The following KDM2A variants were observed in gnomAD, a reference collection of about 807,000 sequenced individuals.
KDM2A encodes the protein lysine-specific demethylase 2A.
A neutral mutation model predicts 137.3 loss-of-function variants in KDM2A; 3 were observed. That is an observed-to-expected ratio of 0.02 (90% CI 0.01 to 0.06). The LOEUF (loss-of-function observed/expected upper bound fraction) is 0.06, where lower values mean the gene tolerates loss of function less well. KDM2A is among the 10% of genes least tolerant of loss of function. The pLI, the probability that KDM2A is intolerant of heterozygous loss-of-function variation, is 1.00. For synonymous variants in KDM2A, 512 were observed against 541.5 expected, an observed-to-expected ratio of 0.95 and a Z score of 0.76; for missense variants, 738 against 1,510.6, an observed-to-expected ratio of 0.49 and a Z score of 8.48.
At chr11:67,247,070 T>TATATATA (rs1565424262) in intron 15 of KDM2A, among the ~76,000 whole-genome samples, 2 of 22,022 alleles carry the variant, frequency 9.1e-5, no homozygotes, top group East Asian at 1.0e-3. Flanking sequence ...TATATATATA[T>TATATATA]ATTTTTTTTT....
At chr11:67,193,455 T>G (rs1024781897) in intron 5 of KDM2A, among the ~76,000 whole-genome samples, 4 of 152,240 alleles carry the variant, frequency 2.6e-5, no homozygotes, top group Non-Finnish European at 5.9e-5. Context: ...TGTTATCACT[T>G]TCTCATAGTG....
At chr11:67,220,553 A>G (rs1246642252) in intron 10 of KDM2A, among the ~76,000 whole-genome samples, 11 of 152,222 alleles carry the variant, frequency 7.2e-5, no homozygotes, top group Admixed American at 7.2e-4. Context: ...AGCCCAAAAT[A>G]AAATAATTTG....
chr11:67,124,510 C>T (rs1326050650), intron 2 of KDM2A, among the ~76,000 whole-genome samples: 2 of 149,912 alleles, frequency 1.3e-5, no homozygotes, highest in Admixed American at 6.7e-5. Flanking sequence ...GACGGGGTTT[C>T]GCTATATTGG....
intron 2 of KDM2A, among the ~76,000 whole-genome samples, chr11:67,124,563 C>G (rs1014425039): frequency 1.3e-5 from 2 of 150,002 alleles, no homozygotes; most frequent in Non-Finnish European, 3.0e-5. Context: ...TCACCCACCT[C>G]GGCCTCCCAA....
At chr11:67,189,342 A>C (rs1857287663) in intron 5 of KDM2A, among the ~76,000 whole-genome samples, 1 of 152,242 alleles carries the variant, frequency 6.6e-6, no homozygotes, top group Non-Finnish European at 1.5e-5. Flanking sequence ...TTATAGATGA[A>C]TGAACACAAC....
chr11:67,143,418 G>A (rs899112150), intron 2 of KDM2A: 1 of 152,016 alleles, frequency 6.6e-6, no homozygotes, highest in Admixed American at 6.6e-5. Flanking sequence ...TTGGGAAGAA[G>A]CACATGCAGA....
Position 67,254,806 on chromosome 11 carries a change from C to T in KDM2A, c.3308-68C>T, listed in dbSNP as rs1042725383. On this transcript the variant is annotated intron_variant, in intron 20 of 20. Transcript: ENST00000529006. The surrounding 1 kb of genome is among the most constrained non-coding windows in gnomAD (Gnocchi z 4.7). ...TAGCATTTTGAAGGAAAGACGGCTA[C>T]AGGAATTGAATGGCAGAGGAAAGCT... The T allele has an allele frequency of 2.6e-5, 36 of 1,410,392 alleles. No individual in the cohort carries two copies. Among genetic ancestry groups the T allele is most frequent in the Non-Finnish European group, 3.4e-5 (34 of 1,008,646 alleles). The allele number at this position is 1,410,392 out of a possible 1,614,324, so 87.4% of individuals were successfully genotyped here.
At chr11:67,129,375 C>T (rs1024035698) in intron 2 of KDM2A, among the ~76,000 whole-genome samples, 3 of 152,052 alleles carry the variant, frequency 2.0e-5, no homozygotes, top group Non-Finnish European at 2.9e-5. Context: ...GAATGCTTGA[C>T]GTCAGGAGTT....
chr11:67,158,583 A>G (rs1856571101), intron 2 of KDM2A, among the ~76,000 whole-genome samples: 5 of 152,132 alleles, frequency 3.3e-5, no homozygotes, highest in South Asian at 4.1e-4. Flanking sequence ...TGTATTTTCA[A>G]TTTTGACCGT....
intron 2 of KDM2A, among the ~76,000 whole-genome samples, chr11:67,157,769 C>G (rs555187749): frequency 1.3e-5 from 2 of 149,766 alleles, no homozygotes; most frequent in East Asian, 2.0e-4. Context: ...AAAAAACTTG[C>G]ATTAGTGTTG....
In KDM2A at chr11:67,174,987, A is replaced by G. The variant is rs118086134; in HGVS notation, c.43-5092A>G. Among the ~76,000 whole-genome samples the G allele has an allele frequency of 9.8e-3, 1,488 of 152,296 alleles. 14 individuals carry two copies. The highest frequency in any genetic ancestry group is 0.015 in the Non-Finnish European group (1,018 of 68,016). On this transcript the variant is annotated intron_variant, in intron 2 of 20. Transcript: ENST00000529006. ...AGGCTGCTAAAATCACGTATATGAAAAGCATCTAGAATAAAAGCATAGCAT... is the reference window on the plus strand; with the variant it reads ...AGGCTGCTAAAATCACGTATATGAAGAGCATCTAGAATAAAAGCATAGCAT...
chr11:67,202,117 T>C (rs181291471), intron 5 of KDM2A, among the ~76,000 whole-genome samples: 34 of 152,042 alleles, frequency 2.2e-4, no homozygotes, highest in Admixed American at 3.3e-4. Context: ...GTGGTGAAAA[T>C]AGTGAGAGAG....
intron 15 of KDM2A, among the ~76,000 whole-genome samples, chr11:67,248,011 A>G (rs1859302010): frequency 1.3e-5 from 2 of 152,198 alleles, no homozygotes; most frequent in African/African-American, 4.8e-5. Context: ...GGGAAAGTGA[A>G]GGTAATAATA....
chr11:67,202,937 G>C (rs1320421064), intron 5 of KDM2A, among the ~76,000 whole-genome samples: 1 of 151,604 alleles, frequency 6.6e-6, no homozygotes, highest in Admixed American at 6.6e-5. Context: ...TGTGGCTGTG[G>C]TGAGCTGTGA....
At chr11:67,162,867 C>G (rs1254640471) in intron 2 of KDM2A, among the ~76,000 whole-genome samples, 1 of 152,088 alleles carries the variant, frequency 6.6e-6, no homozygotes, top group African/African-American at 2.4e-5. Context: ...GCATGTGCCA[C>G]CTTGCCCAGC....
chr11:67,243,298 A>G (rs541320101), intron 13 of KDM2A, among the ~76,000 whole-genome samples: 1 of 152,338 alleles, frequency 6.6e-6, no homozygotes, highest in South Asian at 2.1e-4. Context: ...TAACAGAACT[A>G]TCAAACTGGG....
At chr11:67,185,149 A>G (rs914542499) in intron 5 of KDM2A, among the ~76,000 whole-genome samples, 7 of 152,218 alleles carry the variant, frequency 4.6e-5, no homozygotes, top group Admixed American at 3.3e-4. Flanking sequence ...GGAAATATCA[A>G]TAAAGAGACA....
chr11:67,255,084 A>G lies in KDM2A; in HGVS notation c.*29A>G, dbSNP rs1250518552. 60 of 1,587,964 alleles carry G rather than the reference A, an allele frequency of 3.8e-5. No homozygotes were observed. Among genetic ancestry groups the G allele is most frequent in the Non-Finnish European group, 5.1e-5 (59 of 1,167,190 alleles). On this transcript the variant is annotated 3_prime_UTR_variant, in exon 21 of 21. Coordinates refer to ENST00000529006, the MANE Select transcript of KDM2A (RefSeq NM_012308.3). ...ACACCCAGCCCAGATTCAACAGGAA[A>G]CCGATCTTCCCCTGACTCCCCACCG...
intron 12 of KDM2A, chr11:67,240,099 C>T (rs1350057553): frequency 1.5e-6 from 2 of 1,374,962 alleles, no homozygotes; most frequent in African/African-American, 2.9e-5. Context: ...GCATTGTTCG[C>T]AGGCACAGGA....
Sources: gnomAD v4.1 joint callset for allele counts (sites outside exome capture counted in the v4.1 genomes callset) on GRCh38, gnomAD v4.1.1 for gene constraint, Gnocchi (gnomAD v3.1) non-coding constraint, MANE v1.5 for transcripts, NCBI Gene and HGNC (gene_info 2026-07-23, HGNC 2026-07-21) for gene names.